The following COCH variants were observed in gnomAD, a reference collection of about 807,000 sequenced individuals.
The protein encoded by COCH is coagulation factor C homolog, cochlin (Limulus polyphemus).
In COCH, 40 loss-of-function variants were observed where a neutral mutation model predicts 54.8. The ratio of observed to expected loss-of-function variants is 0.73; its 90% CI spans 0.57 to 0.95. COCH has a LOEUF of 0.95. COCH is among the 40% of genes least tolerant of loss of function. The probability of loss-of-function intolerance (pLI) is 0.00; values close to 1 mark genes in which losing one functional copy is unlikely to be tolerated. For missense variants in COCH, 605 were observed against 675.0 expected, an observed-to-expected ratio of 0.90 and a Z score of 1.15; for synonymous variants, 256 against 237.9, an observed-to-expected ratio of 1.08 and a Z score of -0.70.
chr14:30,894,380 T>C (rs889981546), downstream of COCH: 2 of 152,604 alleles, frequency 1.3e-5, no homozygotes, highest in Admixed American at 1.3e-4. Flanking sequence ...AGTTCCAAAA[T>C]AGATATACAG....
At chr14:30,885,271 C>CCCCG (rs1895744322) in intron 9 of COCH, 123 bp from the exon 10 acceptor site, 9 of 980,140 alleles carry the variant, frequency 9.2e-6, no homozygotes, top group Non-Finnish European at 1.4e-5. Context: ...TTTTTGTGTG[C>CCCCG]CCCGCCCCAC....
Position 30,880,740 on chromosome 14 carries a change from A to G in COCH, c.629+6A>G, listed in dbSNP as rs761628739. The stretch of plus-strand genomic sequence containing the variant: ...GTGGGCCTTGTTCAAGCCAGGTACC[A>G]ACCTTGTTAAAATGGGAGATTTAAA... On this transcript the variant is annotated splice_donor_region_variant and intron_variant, in intron 8 of 11. Coordinates refer to ENST00000396618, the MANE Select transcript of COCH (RefSeq NM_004086.3). 7 of 1,608,920 alleles carry G rather than the reference A, an allele frequency of 4.4e-6. No homozygotes were observed. In the East Asian group the frequency reaches 1.6e-4, roughly 36 times the overall value.
intron 8 of COCH, among the ~76,000 whole-genome samples, chr14:30,883,253 GCA>G (rs1895675834): frequency 1.3e-5 from 2 of 152,030 alleles, no homozygotes; most frequent in Admixed American, 1.3e-4. Flanking sequence ...CAGTTTTATT[GCA>G]CATTTTAACA....
intron 11 of COCH, 102 bp downstream of exon 11, chr14:30,886,414 T>G (rs1895794837): frequency 7.9e-7 from 1 of 1,268,108 alleles, no homozygotes; most frequent in Non-Finnish European, 1.1e-6. Context: ...AACAAACACC[T>G]GTGGCTTTAC....
In COCH at chr14:30,886,150, T is replaced by A. The variant is rs768435123; in HGVS notation, c.1315T>A (p.Tyr439Asn). 1 of 1,612,040 alleles carries A rather than the reference T, an allele frequency of 6.2e-7. No homozygotes were observed. Among genetic ancestry groups the A allele is most frequent in the Non-Finnish European group, 8.5e-7 (1 of 1,178,274 alleles). Reference sequence around the variant, plus strand: ...CCTAGCTGTCATCAGAAACATCCGCTATATGAGTGGTGGAACAGCTACTGG... The same window carrying A: ...CCTAGCTGTCATCAGAAACATCCGCAATATGAGTGGTGGAACAGCTACTGG... ...NVLAVIRNIR[Y>N]MSGGTATGDA... The change falls in exon 11 of 12, where the codon TAT becomes AAT. Residue 439 changes from tyrosine (Y) to asparagine (N), a missense_variant. Tyr to Asn is a moderately radical substitution (Grantham distance 143, BLOSUM62 -2). Coordinates refer to ENST00000396618, the MANE Select transcript of COCH (RefSeq NM_004086.3).
chr14:30,875,243 C>T, intron 3 of COCH, 140 bp downstream of exon 3: 2 of 1,224,588 alleles, frequency 1.6e-6, no homozygotes, highest in Non-Finnish European at 2.3e-6. Context: ...CGCCGCGTGG[C>T]GCGCCCGCGT....
chr14:30,875,351 G>A (rs1205213292), intron 3 of COCH: 1 of 617,488 alleles, frequency 1.6e-6, no homozygotes, highest in Non-Finnish European at 2.8e-6. Context: ...GCACTAGGAA[G>A]AAGGCCTCCT....
intron 8 of COCH, 38 bp downstream of exon 8, chr14:30,880,772 A>T (rs201804041): frequency 6.8e-7 from 1 of 1,466,116 alleles, no homozygotes; most frequent in Non-Finnish European, 9.5e-7. Context: ...TAAAAAAAAA[A>T]TTATTTTGTA....
intron 3 of COCH, chr14:30,875,635 C>T: frequency 3.6e-6 from 1 of 279,034 alleles, no homozygotes; most frequent in East Asian, 6.7e-5. Flanking sequence ...ACTCTACACG[C>T]TAGAGAGTTT....
At chr14:30,895,053 CAAAAAAAAAAA>C (rs35858438), downstream of COCH, 53 of 26,560 alleles carry the variant, frequency 2.0e-3, no homozygotes, top group Non-Finnish European at 2.0e-3. Flanking sequence ...ACACAGAGTC[CAAAAAAAAAAA>C]AAAAAAAAAA....
downstream of COCH, chr14:30,894,956 C>T (rs1594399116): frequency 1.2e-5 from 12 of 1,027,030 alleles, no homozygotes; most frequent in Non-Finnish European, 1.4e-5. Flanking sequence ...AACCGATAAA[C>T]AGAAGATCAC....
At chr14:30,875,221 C>A in intron 3 of COCH, 118 bp downstream of exon 3, 1 of 1,401,622 alleles carries the variant, frequency 7.1e-7, no homozygotes. Context: ...GAGGAAGGCG[C>A]GAAGGTTGAG....
downstream of COCH, chr14:30,895,053 CAAAAAAAA>C (rs35858438): frequency 3.0e-4 from 8 of 26,556 alleles, no homozygotes; most frequent in South Asian, 2.4e-3. Context: ...ACACAGAGTC[CAAAAAAAA>C]AAAAAAAAAA....
chr14:30,888,524 G>GT (rs5807603), intron 11 of COCH, among the ~76,000 whole-genome samples: 95,452 of 151,888 alleles, frequency 0.63, 31,951 homozygotes, highest in Non-Finnish European at 0.74. Context: ...GCTTATGCCT[G>GT]TAATCCCAGC....
chr14:30,877,842 G>C lies in COCH; in HGVS notation c.239+114G>C. On this transcript the variant is annotated intron_variant, in intron 4 of 11. Transcript: ENST00000396618. This position sits in a 1 kb window ranked among gnomAD's most constrained non-coding sequence, Gnocchi z 8.6. ...CATTCTTTCTTTTGTTGCCATTGTG[G>C]CCACAGAAAATGGATATATTTTCAC... The C allele has an allele frequency of 6.5e-7, 1 of 1,541,454 alleles. No homozygotes were observed. The highest frequency in any genetic ancestry group is 8.8e-7 in the Non-Finnish European group (1 of 1,138,222).
At chr14:30,875,559 A>C (rs1594368288) in intron 3 of COCH, 1 of 478,666 alleles carries the variant, frequency 2.1e-6, no homozygotes. Flanking sequence ...TCGCTGTCCC[A>C]CCTTGTTTGA....
chr14:30,884,221 C>G (rs575744548), intron 8 of COCH, among the ~76,000 whole-genome samples: 1 of 152,308 alleles, frequency 6.6e-6, no homozygotes, highest in Non-Finnish European at 1.5e-5. Flanking sequence ...CAGGCAAACT[C>G]CCTAAATGCT....
At chr14:30,881,121 A>C (rs2138853794) in intron 8 of COCH, among the ~76,000 whole-genome samples, 1 of 151,492 alleles carries the variant, frequency 6.6e-6, no homozygotes, top group South Asian at 2.1e-4. Flanking sequence ...AGGCTGAGGC[A>C]GGAGAATCAC....
At chr14:30,893,354 G>C (rs776048025), downstream of COCH, among the ~76,000 whole-genome samples, 1 of 151,650 alleles carries the variant, frequency 6.6e-6, no homozygotes, top group African/African-American at 2.4e-5. Context: ...GGGTTTCATC[G>C]TGTTAGCCAG....
Sources: allele counts gnomAD v4.1 joint callset (sites outside exome capture counted in the v4.1 genomes callset), GRCh38; gene constraint gnomAD v4.1.1; non-coding constraint Gnocchi (gnomAD v3.1); transcripts MANE v1.5; gene names NCBI Gene and HGNC (gene_info 2026-07-23, HGNC 2026-07-21).